ADD1: variants seen among roughly 807,000 people sequenced by gnomAD.
The protein encoded by ADD1 is alpha-adducin.
Under a neutral mutation model 80.5 loss-of-function variants are expected in ADD1, and 24 were observed. That is an observed-to-expected ratio of 0.30 (90% CI 0.22 to 0.42). The LOEUF (loss-of-function observed/expected upper bound fraction) is 0.42. Ranked by LOEUF, ADD1 falls within the 10% of genes least tolerant of loss-of-function variation. The probability of loss-of-function intolerance (pLI) is 1.00; values close to 1 mark genes in which losing one functional copy is unlikely to be tolerated. For synonymous variants in ADD1, 373 were observed against 393.8 expected (o/e 0.95, Z 0.63); for missense variants, 948 against 1,019.0 (o/e 0.93, Z 0.95).
intron 6 of ADD1, among the ~76,000 whole-genome samples, chr4:2,897,874 CCT>C (rs1167152479): frequency 2.0e-5 from 3 of 152,040 alleles, no homozygotes; most frequent in Non-Finnish European, 4.4e-5. Flanking sequence ...GTGGTCTGCT[CCT>C]TGCACTAGAT....
intron 1 of ADD1, among the ~76,000 whole-genome samples, chr4:2,864,971 A>G (rs756045705): frequency 2.0e-5 from 3 of 152,088 alleles, no homozygotes; most frequent in South Asian, 2.1e-4. Flanking sequence ...GTGTGTGTGT[A>G]TATCTATGAA....
Position 2,881,981 on chromosome 4 carries a change from G to A in ADD1, c.279G>A (p.Gln93=). The change falls in exon 3 of 16, where the codon CAG becomes CAA. Residue 93 remains glutamine (Q), a synonymous_variant. Coordinates refer to ENST00000683351, the MANE Select transcript of ADD1 (RefSeq NM_001354761.2). The part of the protein sequence containing the change: ...KNPTGLLALQ[Q]IADFMTTNVP... ...CCACAGGCCTATTGGCATTACAGCAGATTGCAGATTTTATGACCACGAATG... is the reference window on the plus strand; with the variant it reads ...CCACAGGCCTATTGGCATTACAGCAAATTGCAGATTTTATGACCACGAATG... 1 of 1,613,450 alleles carries A rather than the reference G, an allele frequency of 6.2e-7. No individual in the cohort carries two copies. Among genetic ancestry groups the A allele is most frequent in the Non-Finnish European group, 8.5e-7 (1 of 1,179,842 alleles).
intron 6 of ADD1, among the ~76,000 whole-genome samples, chr4:2,897,250 T>C (rs1011401581): frequency 2.0e-5 from 3 of 152,072 alleles, no homozygotes; most frequent in African/African-American, 7.2e-5. Flanking sequence ...CTATAGGTCT[T>C]GTCTTTAGAA....
chr4:2,884,575 A>T lies in ADD1; in HGVS notation c.419A>T (p.Lys140Ile). Residue 140 changes from lysine to isoleucine, a missense_variant, in exon 4 of 16, where the codon AAA becomes ATA. Lys to Ile is a moderately radical substitution (Grantham distance 102). Transcript: ENST00000683351. The part of the protein sequence containing the change: ...LRGSDSIAYD[K>I]GEKLLRCKLA... Reference sequence around the variant, plus strand: ...GGATCTGATTCTATTGCGTATGACAAAGGAGAGAAGTTATTACGGTGTAAA... The same window carrying T: ...GGATCTGATTCTATTGCGTATGACATAGGAGAGAAGTTATTACGGTGTAAA... 6.2e-7 allele frequency: 1 copy of T among 1,613,518 alleles called. No homozygotes were observed. Among genetic ancestry groups the T allele is most frequent in the Non-Finnish European group, 8.5e-7 (1 of 1,179,630 alleles).
At chr4:2,923,985 G>A (rs1740543124) in intron 14 of ADD1, among the ~76,000 whole-genome samples, 1 of 152,198 alleles carries the variant, frequency 6.6e-6, no homozygotes, top group African/African-American at 2.4e-5. Context: ...GTAGGGCTTG[G>A]GGTTTCTGAC....
rs901202322 is a variant in ADD1, at chr4:2,926,097, A to G, written c.2032A>G (p.Ile678Val). Residue 678 changes from isoleucine (I) to valine (V), a missense_variant, in exon 15 of 16, where the codon ATC becomes GTC. Transcript: ENST00000683351. This position sits in a 1 kb window ranked among gnomAD's most constrained non-coding sequence, Gnocchi z 5.0. The part of the protein sequence containing the change: ...AVPHPPPSTP[I>V]KLEEDLVPEP... ...CCCCCACCCGCCTCCCAGCACTCCC[A>G]TCAAGCTGGAGGAAGGTGAGCTCTG... is the stretch of plus-strand genomic sequence containing the variant. 3 of 1,613,804 alleles carry G rather than the reference A, an allele frequency of 1.9e-6. No individual in the cohort carries two copies. Among genetic ancestry groups the G allele is most frequent in the Non-Finnish European group, 2.5e-6 (3 of 1,179,832 alleles).
intron 1 of ADD1, among the ~76,000 whole-genome samples, chr4:2,847,640 G>C (rs1463068705): frequency 2.0e-5 from 3 of 152,066 alleles, no homozygotes; most frequent in African/African-American, 7.3e-5. Context: ...GTGTGCCTGT[G>C]ACACAGCCTC....
chr4:2,906,817 G>T (rs1308307191), intron 10 of ADD1, among the ~76,000 whole-genome samples: 1 of 152,116 alleles, frequency 6.6e-6, no homozygotes, highest in Non-Finnish European at 1.5e-5. Context: ...CACTCTCCTC[G>T]CAGTGGCTCA....
chr4:2,864,360 C>G (rs1159436524), intron 1 of ADD1, among the ~76,000 whole-genome samples: 7 of 152,136 alleles, frequency 4.6e-5, no homozygotes, highest in Non-Finnish European at 1.0e-4. Flanking sequence ...TTGCAGTGAG[C>G]CAAGATCGTG....
intron 4 of ADD1, among the ~76,000 whole-genome samples, chr4:2,888,053 C>T (rs1050724032): frequency 8.6e-5 from 13 of 151,410 alleles, no homozygotes; most frequent in Non-Finnish European, 1.3e-4. Context: ...TTAATTACAG[C>T]GTTATTATTA....
intron 6 of ADD1, among the ~76,000 whole-genome samples, chr4:2,895,798 C>T (rs1251332268): frequency 6.6e-6 from 1 of 152,108 alleles, no homozygotes; most frequent in Non-Finnish European, 1.5e-5. Flanking sequence ...AAGCACAGTA[C>T]TTGAGAAGTA....
At chr4:2,919,209 T>C (rs1471409966) in intron 14 of ADD1, among the ~76,000 whole-genome samples, 1 of 152,220 alleles carries the variant, frequency 6.6e-6, no homozygotes, top group Non-Finnish European at 1.5e-5. Context: ...ATAAGCTTTT[T>C]GATGTGCTGC....
chr4:2,881,353 C>A (rs758755408), intron 2 of ADD1, among the ~76,000 whole-genome samples: 11 of 151,954 alleles, frequency 7.2e-5, no homozygotes, highest in Non-Finnish European at 1.5e-4. Flanking sequence ...TGCTGGGATT[C>A]CAGGCATGAG....
intron 12 of ADD1, 102 bp from the exon 13 acceptor site, chr4:2,909,237 C>A: frequency 1.0e-6 from 1 of 956,138 alleles, no homozygotes; most frequent in Non-Finnish European, 1.6e-6. Flanking sequence ...CTGTTGACAG[C>A]TGTCCCTGCT....
chr4:2,923,609 T>C (rs1740458299), intron 14 of ADD1, among the ~76,000 whole-genome samples: 1 of 152,244 alleles, frequency 6.6e-6, no homozygotes, highest in Admixed American at 6.5e-5. Flanking sequence ...ACCCTGACAT[T>C]TGTCTCTTTA....
At chr4:2,924,160 T>C (rs948985829) in intron 14 of ADD1, among the ~76,000 whole-genome samples, 5 of 152,206 alleles carry the variant, frequency 3.3e-5, no homozygotes, top group African/African-American at 1.2e-4. Flanking sequence ...CGGTCTTGTT[T>C]TTGTCAAAGA....
intron 14 of ADD1, among the ~76,000 whole-genome samples, chr4:2,924,574 C>T (rs1740650437): frequency 6.6e-6 from 1 of 152,208 alleles, no homozygotes. Flanking sequence ...CCTGGGCCGT[C>T]GTCATCCTGG....
chr4:2,894,526 GAA>G, intron 5 of ADD1, 54 bp from the exon 6 acceptor site: 1 of 1,057,754 alleles, frequency 9.5e-7, no homozygotes, highest in East Asian at 3.3e-5. Context: ...AAAAAAAAAA[GAA>G]AAGAAAAAAT....
rs1403808314 is a variant in ADD1, at chr4:2,852,170, CTTT to C, written c.-21+8147_-21+8149del. On this transcript the variant is annotated intron_variant, in intron 1 of 15. Transcript: ENST00000683351. ...TCTTTCTTTCTTTCTTTCTTTCTTTCTTTCTTTCTTTCTTTCTTTCTTTCTTTC... is the reference window on the plus strand; with the variant it reads ...TCTTTCTTTCTTTCTTTCTTTCTTTCCTTTCTTTCTTTCTTTCTTTCTTTC... Among the ~76,000 whole-genome samples the C allele has an allele frequency of 1.3e-3, 95 of 71,444 alleles. No homozygotes were observed. The South Asian group carries it at 0.02, about 15-fold the overall frequency. The allele number at this position is 71,444 out of a possible 152,430, so 46.9% of individuals were successfully genotyped here. A position where few individuals can be genotyped will look rare whatever the true frequency, so the allele number is the denominator to read the frequency against.
Sources: allele counts gnomAD v4.1 joint callset (sites outside exome capture counted in the v4.1 genomes callset), GRCh38; gene constraint gnomAD v4.1.1; non-coding constraint Gnocchi (gnomAD v3.1); transcripts MANE v1.5; gene names NCBI Gene and HGNC (gene_info 2026-07-23, HGNC 2026-07-21).